SHANK2: variants seen among roughly 807,000 people sequenced by gnomAD.
The protein encoded by SHANK2 is SH3 and multiple ankyrin repeat domains protein 2.
Under a neutral mutation model 133.7 loss-of-function variants are expected in SHANK2, and 43 were observed. The ratio of observed to expected loss-of-function variants is 0.32; its 90% CI spans 0.25 to 0.41. The LOEUF (loss-of-function observed/expected upper bound fraction) is 0.41, where lower values mean the gene tolerates loss of function less well. Ranked by LOEUF, SHANK2 falls within the 10% of genes least tolerant of loss-of-function variation. The pLI is 1.00. For synonymous variants in SHANK2, 1,017 were observed against 952.8 expected (o/e 1.07, Z -1.24); for missense variants, 1,994 against 2,235.8 (o/e 0.89, Z 2.18).
At chr11:71,198,482 T>G (rs1468465911) in intron 2 of SHANK2, among the ~76,000 whole-genome samples, 1 of 152,174 alleles carries the variant, frequency 6.6e-6, no homozygotes, top group East Asian at 1.9e-4. Flanking sequence ...TTCTGCACCC[T>G]TGAGAAACAG....
chr11:70,472,748 A>C lies in SHANK2; in HGVS notation c.*121T>G, dbSNP rs891205588. The C allele has an allele frequency of 2.0e-6, 2 of 993,442 alleles. No homozygotes were observed. The highest frequency in any genetic ancestry group is 3.2e-6 in the Non-Finnish European group (2 of 621,630). The allele number at this position is 993,442 out of a possible 1,614,324, so 61.5% of individuals were successfully genotyped here. A position where few individuals can be genotyped will look rare whatever the true frequency, so the allele number is the denominator to read the frequency against. Reference sequence around the variant, plus strand: ...ACAACTCAGTATTTCTTTGGGTACCAGGAGACAAACCCATGGAGTGGGGTT... The same window carrying C: ...ACAACTCAGTATTTCTTTGGGTACCCGGAGACAAACCCATGGAGTGGGGTT... On this transcript the variant is annotated 3_prime_UTR_variant, in exon 26 of 26. Transcript: ENST00000601538. This position sits in a 1 kb window ranked among gnomAD's most constrained non-coding sequence, Gnocchi z 4.4.
intron 1 of SHANK2, among the ~76,000 whole-genome samples, chr11:71,233,253 T>C (rs1555123204): frequency 6.6e-6 from 1 of 152,156 alleles, no homozygotes; most frequent in African/African-American, 2.4e-5. Context: ...AAACATCTTG[T>C]GGTCCAGCCT....
intron 17 of SHANK2, among the ~76,000 whole-genome samples, chr11:70,580,430 C>T (rs2060168929): frequency 6.6e-6 from 1 of 152,244 alleles, no homozygotes; most frequent in African/African-American, 2.4e-5. Flanking sequence ...CTCCAGAATG[C>T]TCAATCGCGT....
chr11:70,504,223 G>C (rs1466255411), intron 17 of SHANK2, among the ~76,000 whole-genome samples: 1 of 147,388 alleles, frequency 6.8e-6, no homozygotes, highest in East Asian at 2.2e-4. Flanking sequence ...TAAACATCTG[G>C]TATACCCACA....
chr11:71,218,368 G>T (rs369947648), intron 2 of SHANK2, among the ~76,000 whole-genome samples: 2 of 145,890 alleles, frequency 1.4e-5, no homozygotes, highest in African/African-American at 2.5e-5. Flanking sequence ...AGGTTCAAGC[G>T]ATTCTCCTGC....
intron 1 of SHANK2, among the ~76,000 whole-genome samples, chr11:71,238,075 C>T (rs1317222390): frequency 2.0e-5 from 3 of 152,204 alleles, no homozygotes; most frequent in Admixed American, 6.5e-5. Flanking sequence ...CCAATGTTGC[C>T]GATGTCCCTT....
chr11:70,823,519 C>A (rs1284818125), intron 11 of SHANK2, among the ~76,000 whole-genome samples: 2 of 138,234 alleles, frequency 1.4e-5, no homozygotes, highest in Non-Finnish European at 3.1e-5. Context: ...TCATGAGGGA[C>A]AGAGGTGGCG....
intron 17 of SHANK2, chr11:70,631,318 A>G: frequency 6.6e-6 from 1 of 152,544 alleles, no homozygotes; most frequent in Non-Finnish European, 1.5e-5. Context: ...TGGCACATTT[A>G]GCTAGAATCT....
At chr11:70,814,508 G>C (rs1182215340) in intron 12 of SHANK2, among the ~76,000 whole-genome samples, 4 of 152,220 alleles carry the variant, frequency 2.6e-5, no homozygotes, top group Admixed American at 1.3e-4. Flanking sequence ...CACTCCAGCA[G>C]TGTCCCTGGG....
At chr11:71,093,073 C>T in intron 7 of SHANK2, among the ~76,000 whole-genome samples, 1 of 132,278 alleles carries the variant, frequency 7.6e-6, no homozygotes, top group East Asian at 2.3e-4. Context: ...GCAGGTATAA[C>T]TTTAGACAAC....
Position 70,525,785 on chromosome 11 carries a change from T to C in SHANK2, c.2062-22854A>G, listed in dbSNP as rs547106475. On this transcript the variant is annotated intron_variant, in intron 17 of 25. Transcript: ENST00000601538. The stretch of plus-strand genomic sequence containing the variant: ...TCTGCTCTCCAGCTAACCCCCCTCC[T>C]AGCCCCCAGGGATGTGGCTCCTTTA... Among the ~76,000 whole-genome samples the C allele has an allele frequency of 3.3e-5, 5 of 151,968 alleles. No individual in the cohort carries two copies. The South Asian group carries it at 1.0e-3, about 32-fold the overall frequency.
intron 6 of SHANK2, among the ~76,000 whole-genome samples, chr11:71,102,251 A>C (rs1360679363): frequency 2.6e-5 from 4 of 151,628 alleles, no homozygotes; most frequent in African/African-American, 7.3e-5. Flanking sequence ...CTGCTGGAGG[A>C]AGTCTTTATT....
At chr11:71,112,893 T>C (rs1309324511) in intron 5 of SHANK2, among the ~76,000 whole-genome samples, 1 of 152,152 alleles carries the variant, frequency 6.6e-6, no homozygotes, top group Non-Finnish European at 1.5e-5. Flanking sequence ...TTCAGTGCAA[T>C]TTATGTGAAC....
At chr11:70,815,226 ACACACACACACG>A in intron 12 of SHANK2, among the ~76,000 whole-genome samples, 1 of 127,580 alleles carries the variant, frequency 7.8e-6, no homozygotes, top group Non-Finnish European at 1.6e-5. Flanking sequence ...ACACACACAC[ACACACACACACG>A]AAAATGAGAA....
At chr11:71,093,308 C>T (rs1035993315) in intron 7 of SHANK2, among the ~76,000 whole-genome samples, 2 of 152,138 alleles carry the variant, frequency 1.3e-5, no homozygotes, top group Non-Finnish European at 2.9e-5. Context: ...TCATTCCGCA[C>T]GCTGAGGGTG....
At chr11:70,777,203 C>T (rs988766986) in intron 14 of SHANK2, among the ~76,000 whole-genome samples, 2 of 151,750 alleles carry the variant, frequency 1.3e-5, no homozygotes, top group Admixed American at 1.3e-4. Context: ...ATCCACCTAC[C>T]CATCCATTCA....
chr11:70,605,956 C>G (rs192126580), intron 17 of SHANK2, among the ~76,000 whole-genome samples: 1 of 152,120 alleles, frequency 6.6e-6, no homozygotes, highest in Non-Finnish European at 1.5e-5. Flanking sequence ...ATTCCCCCCC[C>G]TCCTTGGGGT....
chr11:70,643,425 G>A (rs1055105596), intron 17 of SHANK2, among the ~76,000 whole-genome samples: 1 of 152,042 alleles, frequency 6.6e-6, no homozygotes, highest in Non-Finnish European at 1.5e-5. Flanking sequence ...TTAGCCGGGC[G>A]TGGTGGCAGG....
At chr11:70,546,097 A>ATTTTTTTT (rs57144719) in intron 17 of SHANK2, among the ~76,000 whole-genome samples, 8 of 137,514 alleles carry the variant, frequency 5.8e-5, no homozygotes, top group Admixed American at 3.0e-4. Flanking sequence ...TATTTATTTA[A>ATTTTTTTT]TTTTTTTTTT....
Sources: allele counts gnomAD v4.1 joint callset (sites outside exome capture counted in the v4.1 genomes callset), GRCh38; gene constraint gnomAD v4.1.1; non-coding constraint Gnocchi (gnomAD v3.1); transcripts MANE v1.5; gene names NCBI Gene and HGNC (gene_info 2026-07-23, HGNC 2026-07-21).